Variants in NSMAF observed in about 807,000 individuals in gnomAD.
NSMAF encodes the protein neutral sphingomyelinase activation associated factor.
A neutral mutation model predicts 134.9 loss-of-function variants in NSMAF; 90 were observed. That is an observed-to-expected ratio of 0.67 (90% CI 0.56 to 0.79). The LOEUF is 0.79. Among genes scored for constraint, NSMAF ranks in the 30% least tolerant of loss-of-function variants. The pLI is 0.00. For synonymous variants in NSMAF, 358 were observed against 389.6 expected (o/e 0.92, Z 0.96); for missense variants, 1,010 against 1,119.0 (o/e 0.90, Z 1.39).
intron 1 of NSMAF, among the ~76,000 whole-genome samples, chr8:58,645,106 G>A (rs773040872): frequency 7.6e-5 from 11 of 144,320 alleles, no homozygotes; most frequent in Non-Finnish European, 1.4e-4. Flanking sequence ...AGAACTTAAA[G>A]TATAATTAAA....
At chr8:58,641,008 G>A (rs1364696076) in intron 2 of NSMAF, among the ~76,000 whole-genome samples, 6 of 151,970 alleles carry the variant, frequency 3.9e-5, no homozygotes, top group African/African-American at 9.7e-5. Flanking sequence ...TGCAACCTCC[G>A]CCTCCCAAGT....
In NSMAF at chr8:58,592,352, C is replaced by T. The variant is rs538036182; in HGVS notation, c.1952-1418G>A. On this transcript the variant is annotated intron_variant, in intron 23 of 30. Transcript: ENST00000038176. ...GAAAATAATAAAAGAAAAAAAAAGA[C>T]GTTTTTCTTGAAATCAAGGATCCCC... Among the ~76,000 whole-genome samples, 9 of 152,150 alleles carry T rather than the reference C, an allele frequency of 5.9e-5. No individual in the cohort carries two copies. The East Asian group carries it at 1.5e-3, about 26-fold the overall frequency.
In NSMAF at chr8:58,597,111, G is replaced by A. The variant is rs570279747; in HGVS notation, c.1792+276C>T. Among the ~76,000 whole-genome samples the A allele has an allele frequency of 3.9e-5, 6 of 152,216 alleles. No individual in the cohort carries two copies. In the South Asian group the frequency reaches 1.0e-3, roughly 26 times the overall value. Reference sequence around the variant, plus strand: ...AAACACCAGCTTCAAAACCACAGAAGAGAAAGAGAACCACATCAAAACATA... The same window carrying A: ...AAACACCAGCTTCAAAACCACAGAAAAGAAAGAGAACCACATCAAAACATA... On this transcript the variant is annotated intron_variant, in intron 21 of 30. Coordinates refer to ENST00000038176, the MANE Select transcript of NSMAF (RefSeq NM_003580.4).
rs201941051 is a variant in NSMAF, at chr8:58,603,228, A to G, written c.1027T>C (p.Tyr343His). The change falls in exon 13 of 31, where the codon TAT becomes CAT. Residue 343 changes from tyrosine (Y) to histidine (H), a missense_variant. Physicochemically the swap from Tyr to His is moderately conservative, Grantham distance 83. Transcript: ENST00000038176. ...YPVFPWIIHD[Y>H]SSSELDLSNP... ...CAGTTACCTAGTTCTGAGCTGGAAT[A>G]ATCATGTATTATCCATGGAAACACA... The G allele has an allele frequency of 3.0e-5, 49 of 1,614,216 alleles. No individual in the cohort carries two copies. The highest frequency in any genetic ancestry group is 4.0e-5 in the Non-Finnish European group (47 of 1,180,022).
Position 58,587,611 on chromosome 8 carries a change from T to C in NSMAF, c.2295+7A>G. 6.2e-7 allele frequency: 1 copy of C among 1,613,106 alleles called. No individual in the cohort carries two copies. Among genetic ancestry groups the C allele is most frequent in the Non-Finnish European group, 8.5e-7 (1 of 1,179,046 alleles). On this transcript the variant is annotated splice_region_variant and intron_variant, in intron 27 of 30. Transcript: ENST00000038176. ...AGTTTTCTGTACAGTTTGTTGCTGG[T>C]ACTCACACTGACATCATGTTCCAGC...
intron 9 of NSMAF, among the ~76,000 whole-genome samples, chr8:58,622,361 T>C (rs1385810390): frequency 1.3e-5 from 2 of 151,994 alleles, no homozygotes; most frequent in East Asian, 3.9e-4. Context: ...GCCTCTCAAG[T>C]AGCTGGAACT....
At position 58,659,812 on chromosome 8, in the gene NSMAF, G is replaced by C. The variant is rs2129149706; in HGVS notation, c.-181C>G. 1 of 311,190 alleles carries C rather than the reference G, an allele frequency of 3.2e-6. No individual in the cohort carries two copies. The allele number at this position is 311,190 out of a possible 1,614,324, so 19.3% of individuals were successfully genotyped here. ...GAGCCCGACGCGGCGTCCCGGCCGC[G>C]CTCACCGCAGCATCCTCGCGTGGGG... On this transcript the variant is annotated 5_prime_UTR_variant, in exon 1 of 31. Coordinates refer to ENST00000038176, the MANE Select transcript of NSMAF (RefSeq NM_003580.4).
chr8:58,623,035 C>T (rs1418485569), intron 9 of NSMAF, among the ~76,000 whole-genome samples, 185 bp downstream of exon 9: 2 of 152,114 alleles, frequency 1.3e-5, no homozygotes, highest in Non-Finnish European at 2.9e-5. Context: ...GACTGACAGA[C>T]ATCAGGATGG....
rs35209612 is a variant in NSMAF, at chr8:58,600,621, CAAAAAAA to C, written c.1281-607_1281-601del. 2.5e-4 allele frequency among the ~76,000 whole-genome samples: 11 copies of C among 44,682 alleles called. No homozygotes were observed. The Admixed American group carries it at 2.7e-3, about 11-fold the overall frequency. 29.3% of individuals were successfully genotyped at this position (44,682 alleles called of 152,430 possible). A position where few individuals can be genotyped will look rare whatever the true frequency, so the allele number is the denominator to read the frequency against. On this transcript the variant is annotated intron_variant, in intron 16 of 30. Coordinates refer to ENST00000038176, the MANE Select transcript of NSMAF (RefSeq NM_003580.4). ...TGGGCGACAGAGCAAGACTCTGTCT[CAAAAAAA>C]AAAAAAAAAAAAAAAAAAGATTAGC...
chr8:58,591,234 C>T (rs1296654324), intron 23 of NSMAF, among the ~76,000 whole-genome samples: 3 of 151,992 alleles, frequency 2.0e-5, no homozygotes. Context: ...CTGGTATATG[C>T]AGAAAGTTAC....
At chr8:58,639,171 C>T (rs1807272345) in intron 2 of NSMAF, among the ~76,000 whole-genome samples, 1 of 152,026 alleles carries the variant, frequency 6.6e-6, no homozygotes, top group South Asian at 2.1e-4. Context: ...GTACGCCCAG[C>T]TACTTGGGAG....
chr8:58,618,237 C>G (rs550291349), intron 9 of NSMAF, among the ~76,000 whole-genome samples: 1 of 152,150 alleles, frequency 6.6e-6, no homozygotes, highest in African/African-American at 2.4e-5. Context: ...GTGCAGCAAT[C>G]CAACATGGCA....
rs1807364922 is a variant in NSMAF at position 58,642,743 on chromosome 8, C to T, written c.149+241G>A. 2.6e-5 allele frequency among the ~76,000 whole-genome samples: 4 copies of T among 151,930 alleles called. No individual in the cohort carries two copies. In the South Asian group the frequency reaches 8.3e-4, roughly 32 times the overall value. On this transcript the variant is annotated intron_variant, in intron 2 of 30. Coordinates refer to ENST00000038176, the MANE Select transcript of NSMAF (RefSeq NM_003580.4). ...TTTAAATACACTCTTCTCATTACTT[C>T]CCTAATAAGAGAAAAGATGAAAAAA... is the stretch of plus-strand genomic sequence containing the variant.
intron 17 of NSMAF, 40 bp from the exon 18 acceptor site, chr8:58,599,910 T>C (rs759036924): frequency 6.2e-7 from 1 of 1,613,268 alleles, no homozygotes; most frequent in Middle Eastern, 1.7e-4. Flanking sequence ...ACAACAAACA[T>C]GTTTTAAAGC....
At chr8:58,656,432 T>A (rs1236071279) in intron 1 of NSMAF, among the ~76,000 whole-genome samples, 1 of 152,268 alleles carries the variant, frequency 6.6e-6, no homozygotes, top group Non-Finnish European at 1.5e-5. Context: ...TTATAGTTAT[T>A]CAAACCAGAA....
chr8:58,600,024 A>G lies in NSMAF; in HGVS notation c.1281-3T>C, dbSNP rs771488105. On this transcript the variant is annotated splice_region_variant and splice_polypyrimidine_tract_variant and intron_variant, in intron 16 of 30. Transcript: ENST00000038176. ...AGTTTTTCCAAGTTTCTGCAATACT[A>G]CATATGAAAAAAAAATTCACCTATT... 2 of 1,611,586 alleles carry G rather than the reference A, an allele frequency of 1.2e-6. No individual in the cohort carries two copies. The highest frequency in any genetic ancestry group is 2.2e-5 in the South Asian group (2 of 90,854).
chr8:58,601,353 A>T lies in NSMAF; in HGVS notation c.1217-5T>A, dbSNP rs1187037930. On this transcript the variant is annotated splice_region_variant and splice_polypyrimidine_tract_variant and intron_variant, in intron 15 of 30. Coordinates refer to ENST00000038176, the MANE Select transcript of NSMAF (RefSeq NM_003580.4). ...GGCACAGCATATACTCTGGTGCTAGAGGGGAAAAAGTCAGAGGTAAGTCAG... is the reference window on the plus strand; with the variant it reads ...GGCACAGCATATACTCTGGTGCTAGTGGGGAAAAAGTCAGAGGTAAGTCAG... 6.2e-7 allele frequency: 1 copy of T among 1,613,876 alleles called. No individual in the cohort carries two copies. Among genetic ancestry groups the T allele is most frequent in the East Asian group, 2.2e-5 (1 of 44,840 alleles).
At chr8:58,594,619 A>T in intron 22 of NSMAF, 2 of 306,012 alleles carry the variant, frequency 6.5e-6, no homozygotes, top group Admixed American at 4.8e-5. Flanking sequence ...AAAAGGACAA[A>T]CTCTTCTTCA....
chr8:58,653,799 T>A (rs186472861), intron 1 of NSMAF, among the ~76,000 whole-genome samples: 2 of 152,328 alleles, frequency 1.3e-5, no homozygotes, highest in East Asian at 3.9e-4. Flanking sequence ...ACCATTCCTA[T>A]TTTATATCAC....
Sources: gnomAD v4.1 joint callset for allele counts (sites outside exome capture counted in the v4.1 genomes callset) on GRCh38, gnomAD v4.1.1 for gene constraint, MANE v1.5 for transcripts, NCBI Gene and HGNC (gene_info 2026-07-23, HGNC 2026-07-21) for gene names.